The following CUX2 variants were observed in gnomAD, a reference collection of about 807,000 sequenced individuals.
CUX2 encodes the protein homeobox protein cut-like 2.
CUX2 carries 40 observed loss-of-function variants against 144.8 expected under a neutral mutation model. That is an observed-to-expected ratio of 0.28 (90% CI 0.21 to 0.36). The LOEUF is 0.36. CUX2 is among the 10% of genes least tolerant of loss of function. The pLI is 1.00. For missense variants in CUX2, 1,615 were observed against 1,994.0 expected (o/e 0.81, Z 3.62); for synonymous variants, 827 against 875.6 (o/e 0.94, Z 0.98).
intron 1 of CUX2, among the ~76,000 whole-genome samples, chr12:111,210,626 C>T (rs898042589): frequency 3.3e-5 from 5 of 151,968 alleles, no homozygotes; most frequent in African/African-American, 1.2e-4. Flanking sequence ...AACCCTGTCT[C>T]TACCCCAAAA....
intron 1 of CUX2, among the ~76,000 whole-genome samples, chr12:111,154,686 C>T (rs545642924): frequency 3.9e-5 from 6 of 152,150 alleles, no homozygotes; most frequent in East Asian, 3.9e-4. Flanking sequence ...TGGAGCTGTG[C>T]GGGAATCAGA....
rs1035117482 is a variant in CUX2 at position 111,307,855 on chromosome 12, C to T, written c.1110-430C>T. Among the ~76,000 whole-genome samples, 4 of 152,110 alleles carry T rather than the reference C, an allele frequency of 2.6e-5. No individual in the cohort carries two copies. Among genetic ancestry groups the T allele is most frequent in the Non-Finnish European group, 5.9e-5 (4 of 68,012 alleles). On this transcript the variant is annotated intron_variant, in intron 12 of 21. Transcript: ENST00000261726. The surrounding 1 kb of genome is among the most constrained non-coding windows in gnomAD (Gnocchi z 4.1). The stretch of plus-strand genomic sequence containing the variant: ...GAAATTAGCCAGGTGTGGTGGCGCT[C>T]ACCTGTAGTCCCAGCTACTTGGGAG...
At chr12:111,169,591 C>A (rs1298111662) in intron 1 of CUX2, among the ~76,000 whole-genome samples, 1 of 152,172 alleles carries the variant, frequency 6.6e-6, no homozygotes, top group Non-Finnish European at 1.5e-5. Flanking sequence ...TGGCTCTCTC[C>A]CTGACTTTGT....
In CUX2 at chr12:111,342,956, C is replaced by CAAAA. The variant is rs11314694; in HGVS notation, c.3659+924_3659+927dup. 1.0e-4 allele frequency among the ~76,000 whole-genome samples: 7 copies of CAAAA among 68,438 alleles called. No homozygotes were observed. The South Asian group carries it at 1.5e-3, about 15-fold the overall frequency. 44.9% of individuals were successfully genotyped at this position (68,438 alleles called of 152,430 possible). On this transcript the variant is annotated intron_variant, in intron 21 of 21. Coordinates refer to ENST00000261726, the MANE Select transcript of CUX2 (RefSeq NM_015267.4). ...CCTGGGCAACAGAGTGAGACTATCT[C>CAAAA]AAAAAAAAAAAAAAAAAAAAAAAAT... is the stretch of plus-strand genomic sequence containing the variant.
At chr12:111,226,190 T>C (rs1027724264) in intron 3 of CUX2, among the ~76,000 whole-genome samples, 1 of 152,224 alleles carries the variant, frequency 6.6e-6, no homozygotes, top group Non-Finnish European at 1.5e-5. Context: ...GTGATCCTCC[T>C]GCCTCGGCCT....
Position 111,322,355 on chromosome 12 carries a change from G to T in CUX2, c.2767-66G>T. On this transcript the variant is annotated intron_variant, in intron 17 of 21. Coordinates refer to ENST00000261726, the MANE Select transcript of CUX2 (RefSeq NM_015267.4). This position sits in a 1 kb window ranked among gnomAD's most constrained non-coding sequence, Gnocchi z 4.2. ...AAAAAAAAAAAAAAAGGTTGGGGAG[G>T]AGAGTGAGGGCCAGGCCCATGTCCC... 1.5e-6 allele frequency: 2 copies of T among 1,358,138 alleles called. No homozygotes were observed. The highest frequency in any genetic ancestry group is 2.0e-6 in the Non-Finnish European group (2 of 1,021,138). The allele number at this position is 1,358,138 out of a possible 1,614,324, so 84.1% of individuals were successfully genotyped here.
chr12:111,219,478 G>A (rs1419093280), intron 3 of CUX2, among the ~76,000 whole-genome samples: 1 of 152,070 alleles, frequency 6.6e-6, no homozygotes, highest in Non-Finnish European at 1.5e-5. Context: ...TGATCCCTCT[G>A]CCCAATCCAA....
intron 3 of CUX2, among the ~76,000 whole-genome samples, chr12:111,259,138 A>G (rs905766451): frequency 6.6e-6 from 1 of 151,542 alleles, no homozygotes; most frequent in African/African-American, 2.4e-5. Flanking sequence ...CCTGGACTCA[A>G]GTGATCCTCC....
intron 21 of CUX2, among the ~76,000 whole-genome samples, chr12:111,344,494 A>G (rs1435026874): frequency 6.6e-6 from 1 of 152,234 alleles, no homozygotes; most frequent in Non-Finnish European, 1.5e-5. Context: ...TCAAAGGGTT[A>G]TAATTACAGA....
chr12:111,206,492 G>A (rs1592838803), intron 1 of CUX2, among the ~76,000 whole-genome samples: 2 of 152,292 alleles, frequency 1.3e-5, no homozygotes, highest in South Asian at 4.2e-4. Context: ...TGCTCTCTGT[G>A]TTCCTGTCAT....
chr12:111,319,195 T>A (rs1171563344), intron 16 of CUX2, among the ~76,000 whole-genome samples: 1 of 151,896 alleles, frequency 6.6e-6, no homozygotes, highest in Non-Finnish European at 1.5e-5. Flanking sequence ...ATGCTTGTAG[T>A]CCCAGCACTT....
chr12:111,343,176 CT>C (rs1333687247), intron 21 of CUX2, among the ~76,000 whole-genome samples: 1 of 151,976 alleles, frequency 6.6e-6, no homozygotes, highest in African/African-American at 2.4e-5. Flanking sequence ...CCTCCTACCC[CT>C]GAAACCGAAA....
intron 3 of CUX2, among the ~76,000 whole-genome samples, chr12:111,225,056 A>T (rs1421863295): frequency 6.6e-6 from 1 of 151,980 alleles, no homozygotes; most frequent in African/African-American, 2.4e-5. Context: ...TAGGCGCACA[A>T]CACCACACCC....
At position 111,190,294 on chromosome 12, in the gene CUX2, C is replaced by G. The variant is rs749931658; in HGVS notation, c.64-23906C>G. On this transcript the variant is annotated intron_variant, in intron 1 of 21. Coordinates refer to ENST00000261726, the MANE Select transcript of CUX2 (RefSeq NM_015267.4). The surrounding 1 kb of genome is among the most constrained non-coding windows in gnomAD (Gnocchi z 4.0). Reference sequence around the variant, plus strand: ...TTTATTGCACTTGTTCTTTTTAATGCAACAATTACTGCTCAGGACTCGGGA... The same window carrying G: ...TTTATTGCACTTGTTCTTTTTAATGGAACAATTACTGCTCAGGACTCGGGA... Among the ~76,000 whole-genome samples the G allele has an allele frequency of 2.0e-5, 3 of 152,146 alleles. No individual in the cohort carries two copies. The highest frequency in any genetic ancestry group is 4.4e-5 in the Non-Finnish European group (3 of 68,044).
chr12:111,105,091 G>A (rs368547222), intron 1 of CUX2, among the ~76,000 whole-genome samples: 4 of 152,274 alleles, frequency 2.6e-5, no homozygotes, highest in East Asian at 3.9e-4. Flanking sequence ...TGGGCTCATC[G>A]CTATCCCCAG....
chr12:111,276,223 C>T (rs1377560809), intron 4 of CUX2, among the ~76,000 whole-genome samples: 10 of 152,058 alleles, frequency 6.6e-5, no homozygotes, highest in South Asian at 2.1e-4. Flanking sequence ...CATGGTGACG[C>T]GTGCCTGTAG....
chr12:111,295,231 AG>A lies in CUX2; in HGVS notation c.561-99del. The A allele has an allele frequency of 1.1e-6, 1 of 923,194 alleles. No individual in the cohort carries two copies. Among genetic ancestry groups the A allele is most frequent in the Non-Finnish European group, 1.7e-6 (1 of 601,468 alleles). 57.2% of individuals were successfully genotyped at this position (923,194 alleles called of 1,614,324 possible). On this transcript the variant is annotated intron_variant, in intron 6 of 21. Transcript: ENST00000261726. The surrounding 1 kb of genome is among the most constrained non-coding windows in gnomAD (Gnocchi z 5.0). The stretch of plus-strand genomic sequence containing the variant: ...GCAGAAAGACAGAGGTGCAGGTTAC[AG>A]GGAGTGGGCAAGGGGTAGGAAGCAA...
chr12:111,265,075 T>C (rs754718656), intron 4 of CUX2, among the ~76,000 whole-genome samples: 5 of 152,100 alleles, frequency 3.3e-5, no homozygotes, highest in Non-Finnish European at 7.3e-5. Context: ...AATTTTCTGT[T>C]GTATGAATTT....
intron 1 of CUX2, among the ~76,000 whole-genome samples, chr12:111,142,703 A>G (rs1876407843): frequency 6.6e-6 from 1 of 152,144 alleles, no homozygotes; most frequent in Admixed American, 6.5e-5. Flanking sequence ...GCCGTTTCAT[A>G]TTTTATAAAG....
Sources: allele counts gnomAD v4.1 joint callset (sites outside exome capture counted in the v4.1 genomes callset), GRCh38; gene constraint gnomAD v4.1.1; non-coding constraint Gnocchi (gnomAD v3.1); transcripts MANE v1.5; gene names NCBI Gene and HGNC (gene_info 2026-07-23, HGNC 2026-07-21).